CDKN2B-AS1: variants seen among roughly 807,000 people sequenced by gnomAD.
CDKN2B-AS1 encodes CDKN2B antisense RNA 1 (non-protein coding).
intron 4 of CDKN2B-AS1, among the ~76,000 whole-genome samples, chr9:22,082,111 C>T (rs1315242975): frequency 1.3e-5 from 2 of 152,184 alleles, no homozygotes; most frequent in Non-Finnish European, 2.9e-5. Flanking sequence ...CTTGTTTTCC[C>T]TAACATTTTA....
At chr9:22,012,466 C>A in intron 1 of CDKN2B-AS1, 1 of 702,624 alleles carries the variant, frequency 1.4e-6, no homozygotes, top group East Asian at 2.8e-5. Flanking sequence ...CTCTCCTGCA[C>A]CCCTATGCTG....
At chr9:22,022,472 A>G (rs1366608805) in intron 1 of CDKN2B-AS1, among the ~76,000 whole-genome samples, 1 of 147,524 alleles carries the variant, frequency 6.8e-6, no homozygotes, top group South Asian at 2.2e-4. Context: ...TAGGATTGGA[A>G]CCCTGCTTTT....
chr9:22,091,994 C>G (rs918065402), intron 4 of CDKN2B-AS1, among the ~76,000 whole-genome samples: 12 of 152,058 alleles, frequency 7.9e-5, no homozygotes, highest in Non-Finnish European at 1.2e-4. Flanking sequence ...TGAGATACAT[C>G]CCATCAATAC....
intron 4 of CDKN2B-AS1, among the ~76,000 whole-genome samples, chr9:22,073,473 A>C (rs1364634373): frequency 1.3e-5 from 2 of 152,210 alleles, no homozygotes; most frequent in African/African-American, 4.8e-5. Flanking sequence ...TCAAAGAGGA[A>C]CATTACCACC....
At chr9:22,019,471 G>T (rs1821929003) in intron 1 of CDKN2B-AS1, among the ~76,000 whole-genome samples, 1 of 152,102 alleles carries the variant, frequency 6.6e-6, no homozygotes, top group African/African-American at 2.4e-5. Flanking sequence ...GGAAGATGAG[G>T]GAAGGGAAGG....
In CDKN2B-AS1 at chr9:22,001,684, C is replaced by T. The variant is rs1587371785; in HGVS notation, n.29+6523C>T. Among the ~76,000 whole-genome samples the T allele has an allele frequency of 6.6e-6, 1 of 151,966 alleles. No individual in the cohort carries two copies. Among genetic ancestry groups the T allele is most frequent in the Non-Finnish European group, 1.5e-5 (1 of 67,928 alleles). The stretch of plus-strand genomic sequence containing the variant: ...TCTGTAAAATGAAGTATTCTTTTTC[C>T]TTACGCAAGGAATGACATTAAAATC... On this transcript the variant is annotated intron_variant and non_coding_transcript_variant, in intron 1 of 4. Coordinates refer to ENST00000650946, the Ensembl canonical transcript of CDKN2B-AS1. This position sits in a 1 kb window ranked among gnomAD's most constrained non-coding sequence, Gnocchi z 4.2.
chr9:22,126,638 T>G (rs1038710995), intron 4 of CDKN2B-AS1, among the ~76,000 whole-genome samples: 1 of 144,316 alleles, frequency 6.9e-6, no homozygotes, highest in Non-Finnish European at 1.5e-5. Flanking sequence ...AGTGGCGCTA[T>G]CTCGGCTCAC....
At chr9:22,043,328 T>A (rs1009470279) in intron 1 of CDKN2B-AS1, among the ~76,000 whole-genome samples, 5 of 152,076 alleles carry the variant, frequency 3.3e-5, no homozygotes, top group Non-Finnish European at 5.9e-5. Flanking sequence ...AAACATATGA[T>A]GTTGAATAAG....
At chr9:22,091,078 T>C (rs1192413633) in intron 4 of CDKN2B-AS1, among the ~76,000 whole-genome samples, 1 of 152,226 alleles carries the variant, frequency 6.6e-6, no homozygotes, top group Non-Finnish European at 1.5e-5. Flanking sequence ...ATCTATTAAA[T>C]AGGGAATCCT....
At chr9:22,002,693 C>T (rs1324230853) in intron 1 of CDKN2B-AS1, among the ~76,000 whole-genome samples, 2 of 151,928 alleles carry the variant, frequency 1.3e-5, no homozygotes, top group African/African-American at 2.4e-5. Flanking sequence ...GAAAGTATTC[C>T]TAAGTATACA....
intron 1 of CDKN2B-AS1, chr9:22,004,437 G>C (rs912478578): frequency 1.3e-5 from 3 of 232,300 alleles, no homozygotes; most frequent in Non-Finnish European, 2.6e-5. Flanking sequence ...TGAATTGCTG[G>C]TATTGCTTAT....
intron 4 of CDKN2B-AS1, among the ~76,000 whole-genome samples, chr9:22,116,153 A>G (rs1422475794): frequency 1.3e-5 from 2 of 152,310 alleles, no homozygotes; most frequent in Non-Finnish European, 2.9e-5. Flanking sequence ...GGATACTTTT[A>G]TAATTGATAA....
chr9:22,069,143 G>T (rs1444476931), intron 4 of CDKN2B-AS1, among the ~76,000 whole-genome samples: 7 of 152,086 alleles, frequency 4.6e-5, no homozygotes, highest in Non-Finnish European at 1.5e-5. Flanking sequence ...CGTGGGAAAT[G>T]GGTAGGTCAT....
At chr9:22,015,516 T>A (rs1401716228) in intron 1 of CDKN2B-AS1, among the ~76,000 whole-genome samples, 2 of 152,118 alleles carry the variant, frequency 1.3e-5, no homozygotes, top group Non-Finnish European at 2.9e-5. Flanking sequence ...TTGTTTGAAT[T>A]TTAATTGGGA....
intron 4 of CDKN2B-AS1, among the ~76,000 whole-genome samples, chr9:22,094,334 C>T (rs1335757658): frequency 1.4e-5 from 2 of 143,592 alleles, no homozygotes; most frequent in Admixed American, 1.3e-4. Flanking sequence ...TTGTGGCATT[C>T]TCTGTATTTC....
In CDKN2B-AS1 at chr9:21,996,653, C is replaced by CA. The variant is rs1275870943; in HGVS notation, n.29+1493dup. ...TATGGGTCTTCCTCTGCACCTATGC[C>CA]ACGCCCCCAGCATTCCCCTCCTACC... On this transcript the variant is annotated intron_variant and non_coding_transcript_variant, in intron 1 of 4. Coordinates refer to ENST00000650946, the Ensembl canonical transcript of CDKN2B-AS1. This position sits in a 1 kb window ranked among gnomAD's most constrained non-coding sequence, Gnocchi z 5.4. Among the ~76,000 whole-genome samples, 1 of 152,168 alleles carries CA rather than the reference C, an allele frequency of 6.6e-6. No homozygotes were observed. Among genetic ancestry groups the CA allele is most frequent in the Non-Finnish European group, 1.5e-5 (1 of 68,016 alleles).
At chr9:22,100,153 C>T (rs1825434083) in intron 4 of CDKN2B-AS1, among the ~76,000 whole-genome samples, 1 of 152,088 alleles carries the variant, frequency 6.6e-6, no homozygotes, top group African/African-American at 2.4e-5. Flanking sequence ...CTTAAAACAA[C>T]TTTATTGAGG....
At chr9:22,091,860 T>C (rs1447663933) in intron 4 of CDKN2B-AS1, among the ~76,000 whole-genome samples, 1 of 152,200 alleles carries the variant, frequency 6.6e-6, no homozygotes, top group Admixed American at 6.5e-5. Flanking sequence ...CAACACTATG[T>C]TGAATAGGAG....
intron 1 of CDKN2B-AS1, among the ~76,000 whole-genome samples, chr9:22,037,723 A>G (rs542499972): frequency 6.6e-6 from 1 of 152,088 alleles, no homozygotes; most frequent in African/African-American, 2.4e-5. Flanking sequence ...AATTTAATTC[A>G]TTCAGGGAAC....
Sources: gnomAD v4.1 joint callset for allele counts (sites outside exome capture counted in the v4.1 genomes callset) on GRCh38, gnomAD v4.1.1 for gene constraint, Gnocchi (gnomAD v3.1) non-coding constraint, MANE v1.5 for transcripts, NCBI Gene and HGNC (gene_info 2026-07-23, HGNC 2026-07-21) for gene names.